The following PRDM15 variants were observed in gnomAD, a reference collection of about 807,000 sequenced individuals.
PRDM15 encodes PR domain zinc finger protein 15.
In PRDM15, 64 loss-of-function variants were observed where a neutral mutation model predicts 128.6. That is an observed-to-expected ratio of 0.50 (90% confidence interval 0.41 to 0.61). PRDM15 has a LOEUF of 0.61. Ranked by LOEUF, PRDM15 falls within the 20% of genes least tolerant of loss-of-function variation. The pLI is 0.00. For synonymous variants in PRDM15, 615 were observed against 621.8 expected, an observed-to-expected ratio of 0.99 and a Z score of 0.16; for missense variants, 1,242 against 1,569.1, an observed-to-expected ratio of 0.79 and a Z score of 3.52.
chr21:41,858,045 A>G (rs1030609833), intron 3 of PRDM15, among the ~76,000 whole-genome samples: 1 of 152,242 alleles, frequency 6.6e-6, no homozygotes, highest in African/African-American at 2.4e-5. Context: ...TATGGGGTCC[A>G]GCGATGGAGG....
At chr21:41,867,923 G>A (rs551523365) in intron 1 of PRDM15, among the ~76,000 whole-genome samples, 1 of 152,034 alleles carries the variant, frequency 6.6e-6, no homozygotes, top group African/African-American at 2.4e-5. Context: ...CAGGTGTGGT[G>A]GTGGGCGCCT....
At chr21:41,819,495 C>A in intron 18 of PRDM15, 87 bp downstream of exon 18, 3 of 870,974 alleles carry the variant, frequency 3.4e-6, no homozygotes, top group Non-Finnish European at 5.0e-6. Flanking sequence ...TCCCCACACT[C>A]CCAGTTCTCG....
chr21:41,866,048 G>C (rs1601464859), intron 1 of PRDM15, among the ~76,000 whole-genome samples: 1 of 152,234 alleles, frequency 6.6e-6, no homozygotes, highest in South Asian at 2.1e-4. Context: ...GCCTCTACTA[G>C]ATCTTTAACC....
intron 21 of PRDM15, among the ~76,000 whole-genome samples, chr21:41,805,310 C>G (rs997229859): frequency 6.6e-6 from 1 of 152,148 alleles, no homozygotes; most frequent in Non-Finnish European, 1.5e-5. Flanking sequence ...GACAGCCGAA[C>G]GTGATAAAGG....
At chr21:41,823,558 C>T in intron 13 of PRDM15, 109 bp from the exon 14 acceptor site, 1 of 1,209,166 alleles carries the variant, frequency 8.3e-7, no homozygotes, top group Admixed American at 2.5e-5. Context: ...AAACACAGCA[C>T]TGTGCTCCAG....
intron 9 of PRDM15, 43 bp from the exon 10 acceptor site, chr21:41,836,250 A>G: frequency 2.6e-6 from 4 of 1,558,546 alleles, no homozygotes; most frequent in Non-Finnish European, 3.5e-6. Context: ...TACTTAGAGC[A>G]TTTACCGAGA....
intron 1 of PRDM15, among the ~76,000 whole-genome samples, chr21:41,868,303 A>G (rs977552133): frequency 6.6e-6 from 1 of 152,252 alleles, no homozygotes; most frequent in Non-Finnish European, 1.5e-5. Flanking sequence ...GCAATCGTGT[A>G]CAGGTTTTTT....
intron 18 of PRDM15, among the ~76,000 whole-genome samples, chr21:41,818,785 A>C (rs557092413): frequency 6.6e-6 from 1 of 152,352 alleles, no homozygotes; most frequent in South Asian, 2.1e-4. Flanking sequence ...TTTAAAAAAA[A>C]AATAAAAACA....
chr21:41,829,074 CCA>C (rs1252901496), intron 11 of PRDM15, among the ~76,000 whole-genome samples: 18 of 148,430 alleles, frequency 1.2e-4, no homozygotes, highest in Admixed American at 2.7e-4. Flanking sequence ...CATACACACA[CCA>C]CACACACACG....
chr21:41,865,082 T>G (rs1363554993), intron 1 of PRDM15, among the ~76,000 whole-genome samples: 1 of 126,296 alleles, frequency 7.9e-6, no homozygotes, highest in Admixed American at 8.0e-5. Flanking sequence ...CCCACTCCCC[T>G]GCTCACTCCT....
chr21:41,806,867 C>T (rs1018852210), intron 21 of PRDM15, among the ~76,000 whole-genome samples: 8 of 134,588 alleles, frequency 5.9e-5, no homozygotes, highest in Admixed American at 7.0e-5. Context: ...CCACTACCAC[C>T]GCCATCACCA....
chr21:41,824,392 C>G (rs1199432665), intron 13 of PRDM15, among the ~76,000 whole-genome samples: 6 of 152,172 alleles, frequency 3.9e-5, no homozygotes, highest in Admixed American at 6.5e-5. Flanking sequence ...ACAGGGAAGA[C>G]TGGGCTGAAG....
At chr21:41,876,828 C>T (rs988058689) in intron 1 of PRDM15, among the ~76,000 whole-genome samples, 11 of 152,328 alleles carry the variant, frequency 7.2e-5, no homozygotes, top group South Asian at 4.1e-4. Context: ...TCTGTCCTGC[C>T]CCATCTCCCC....
At chr21:41,819,906 G>C in intron 17 of PRDM15, 189 bp downstream of exon 17, 1 of 764,972 alleles carries the variant, frequency 1.3e-6, no homozygotes, top group Non-Finnish European at 2.1e-6. Flanking sequence ...GGAGGGGTGA[G>C]GGGGCTGGGG....
chr21:41,825,935 G>T, intron 13 of PRDM15, 25 bp downstream of exon 13: 1 of 1,541,478 alleles, frequency 6.5e-7, no homozygotes, highest in Non-Finnish European at 9.0e-7. Flanking sequence ...CCATCTCAGC[G>T]TCCGACGTGG....
rs146308202 is a variant in PRDM15 at position 41,836,472 on chromosome 21, C to T, written c.1179G>A (p.Ser393=). ...NSSNLSRHVR[S]HGDKLFKCEE... Reference sequence around the variant, plus strand: ...AGCCGGGCCTCGCGGACTCACCATGCGAGCGCACGTGCCTGCTCAGGTTGC... The same window carrying T: ...AGCCGGGCCTCGCGGACTCACCATGTGAGCGCACGTGCCTGCTCAGGTTGC... The change falls in exon 9 of 24, where the codon TCG becomes TCA. Residue 393 remains serine (S), a synonymous_variant. Coordinates refer to ENST00000398548, the MANE Select transcript of PRDM15 (RefSeq NM_001040424.3). 9.2e-4 allele frequency: 1,484 copies of T among 1,609,292 alleles called. 8 individuals are homozygous for T. The highest frequency in any genetic ancestry group is 6.0e-3 in the Middle Eastern group (27 of 4,480).
At chr21:41,866,900 G>A (rs935734435) in intron 1 of PRDM15, among the ~76,000 whole-genome samples, 35 of 152,056 alleles carry the variant, frequency 2.3e-4, no homozygotes, top group Admixed American at 2.0e-3. Flanking sequence ...CTGGGGAGAC[G>A]CCACAACACC....
chr21:41,811,006 T>C lies in PRDM15; in HGVS notation c.2393-170A>G. On this transcript the variant is annotated intron_variant, in intron 19 of 23. Coordinates refer to ENST00000398548, the MANE Select transcript of PRDM15 (RefSeq NM_001040424.3). This position sits in a 1 kb window ranked among gnomAD's most constrained non-coding sequence, Gnocchi z 4.1. Reference sequence around the variant, plus strand: ...TCATCCCCAGCCTCGGCCAGCAAAGTGTGGCTTGGAAAGTTTATGCTTCCA... The same window carrying C: ...TCATCCCCAGCCTCGGCCAGCAAAGCGTGGCTTGGAAAGTTTATGCTTCCA... 1.7e-6 allele frequency: 1 copy of C among 593,718 alleles called. No homozygotes were observed. Among genetic ancestry groups the C allele is most frequent in the Admixed American group, 2.7e-5 (1 of 37,278 alleles). 36.8% of individuals were successfully genotyped at this position (593,718 alleles called of 1,614,324 possible). A position where few individuals can be genotyped will look rare whatever the true frequency, so the allele number is the denominator to read the frequency against.
chr21:41,857,121 G>A (rs1004580798), intron 4 of PRDM15, 55 bp downstream of exon 4: 1 of 1,544,968 alleles, frequency 6.5e-7, no homozygotes, highest in Non-Finnish European at 8.9e-7. Context: ...ATTCCCACAT[G>A]GGAACGCCAG....
Sources: allele counts gnomAD v4.1 joint callset (sites outside exome capture counted in the v4.1 genomes callset), GRCh38; gene constraint gnomAD v4.1.1; non-coding constraint Gnocchi (gnomAD v3.1); transcripts MANE v1.5; gene names NCBI Gene and HGNC (gene_info 2026-07-23, HGNC 2026-07-21).